LPA: variants seen among roughly 807,000 people sequenced by gnomAD.
LPA encodes apolipoprotein(a).
In LPA, 199 loss-of-function variants were observed where a neutral mutation model predicts 197.9. That is an observed-to-expected ratio of 1.01 (90% CI 0.90 to 1.13). The LOEUF (loss-of-function observed/expected upper bound fraction) is 1.13. LPA is among the 50% of genes most tolerant of loss of function. The pLI is 0.00. For missense variants in LPA, 1,853 were observed against 1,785.8 expected (o/e 1.04, Z -0.68); for synonymous variants, 715 against 639.5 (o/e 1.12, Z -1.78).
At chr6:160,586,268 G>A (rs1218412663) in intron 25 of LPA, among the ~76,000 whole-genome samples, 181 bp downstream of exon 25, 1 of 152,088 alleles carries the variant, frequency 6.6e-6, no homozygotes, top group East Asian at 1.9e-4. Flanking sequence ...CCCTCACAAG[G>A]CACTCAACAT....
At chr6:160,576,369 T>TACCC (rs1485536877) in intron 28 of LPA, among the ~76,000 whole-genome samples, 1 of 11,346 alleles carries the variant, frequency 8.8e-5, no homozygotes, top group Non-Finnish European at 1.4e-4. Flanking sequence ...TATATATACA[T>TACCC]ATATATATAT....
intron 27 of LPA, 78 bp downstream of exon 27, chr6:160,578,445 A>G (rs1270005833): frequency 1.3e-6 from 2 of 1,564,876 alleles, no homozygotes; most frequent in Admixed American, 3.3e-5. Context: ...CCAGTGTACC[A>G]CTGAAGGCTT....
chr6:160,553,821 C>T (rs2115008458), intron 30 of LPA, among the ~76,000 whole-genome samples: 1 of 152,208 alleles, frequency 6.6e-6, no homozygotes, highest in Non-Finnish European at 1.5e-5. Flanking sequence ...CCTTCCCGTC[C>T]TTCTGTGACT....
intron 30 of LPA, among the ~76,000 whole-genome samples, chr6:160,550,129 G>A (rs926752589): frequency 1.8e-4 from 27 of 152,064 alleles, no homozygotes; most frequent in Non-Finnish European, 2.2e-4. Flanking sequence ...GCTGAGGCAG[G>A]AGAATCTCTT....
Position 160,589,549 on chromosome 6 carries a change from A to ATACTTTGAG in LPA, c.3947+3_3947+4insCTCAAAGTA, listed in dbSNP as rs752331675. ...TTCTCTTGGGAGAAAACTCAAAGAC[A>ATACTTTGAG]TACCCATTTGGGTAGTATTCTGTGG... On this transcript the variant is annotated splice_donor_region_variant and intron_variant, in intron 24 of 38. Coordinates refer to ENST00000316300, the MANE Select transcript of LPA (RefSeq NM_005577.4). 1 of 1,613,390 alleles carries ATACTTTGAG rather than the reference A, an allele frequency of 6.2e-7. No homozygotes were observed. The highest frequency in any genetic ancestry group is 1.1e-5 in the South Asian group (1 of 91,060).
intron 30 of LPA, among the ~76,000 whole-genome samples, chr6:160,555,420 G>T (rs547636710): frequency 2.6e-5 from 3 of 113,274 alleles, no homozygotes; most frequent in Admixed American, 8.6e-5. Flanking sequence ...TAAAAACCTT[G>T]CATGTTTCCC....
rs1173881480 is a variant in LPA at position 160,531,845 on chromosome 6, T to C, written c.6007A>G (p.Ile2003Val). 6.2e-7 allele frequency: 1 copy of C among 1,614,074 alleles called. No homozygotes were observed. The change falls in exon 39 of 39, where the codon ATT becomes GTT. Residue 2003 changes from isoleucine (I) to valine (V), a missense_variant. By Grantham distance (29) the Ile-to-Val change is conservative. Transcript: ENST00000316300. ...PLVCFEKDKY[I>V]LQGVTSWGLG... ...CCCCAAGAAGTGACTCCTTGTAAAA[T>C]GTATTTGTCCTTCTCGAAGCAAACC... is the stretch of plus-strand genomic sequence containing the variant.
chr6:160,577,877 A>T (rs1446796602), intron 27 of LPA, among the ~76,000 whole-genome samples: 1 of 152,204 alleles, frequency 6.6e-6, no homozygotes, highest in Non-Finnish European at 1.5e-5. Context: ...ATTGTAACAA[A>T]GCAGAATTCT....
chr6:160,554,267 G>A (rs191105519), intron 30 of LPA, among the ~76,000 whole-genome samples: 476 of 151,868 alleles, frequency 3.1e-3, no homozygotes, highest in South Asian at 0.014. Flanking sequence ...TGGTCTATTT[G>A]TATTGACTGG....
chr6:160,579,390 G>A (rs1457893910), intron 26 of LPA, among the ~76,000 whole-genome samples: 4 of 152,168 alleles, frequency 2.6e-5, no homozygotes, highest in African/African-American at 2.4e-5. Context: ...TCTAGGATGG[G>A]TTCATGGGCA....
intron 16 of LPA, 128 bp downstream of exon 16, chr6:160,611,434 G>C (rs899167241): frequency 8.6e-6 from 13 of 1,508,772 alleles, no homozygotes; most frequent in Non-Finnish European, 1.2e-5. Flanking sequence ...AAATCATCCT[G>C]AGACATTTTG....
intron 28 of LPA, among the ~76,000 whole-genome samples, chr6:160,566,662 G>T (rs1193039218): frequency 6.6e-6 from 1 of 152,154 alleles, no homozygotes; most frequent in African/African-American, 2.4e-5. Flanking sequence ...AAATGTAAAT[G>T]GGCTAAATGC....
chr6:160,570,996 T>A (rs909734197), intron 28 of LPA, among the ~76,000 whole-genome samples: 2 of 152,220 alleles, frequency 1.3e-5, no homozygotes, highest in African/African-American at 4.8e-5. Context: ...CCCATCACTT[T>A]CAGGTACACC....
intron 35 of LPA, among the ~76,000 whole-genome samples, chr6:160,540,478 G>A (rs1777963835): frequency 6.6e-6 from 1 of 152,208 alleles, no homozygotes; most frequent in African/African-American, 2.4e-5. Context: ...GGATCATAGA[G>A]GTGCATCCCT....
At chr6:160,591,154 C>T in intron 22 of LPA, 53 bp from the exon 23 acceptor site, 2 of 1,602,928 alleles carry the variant, frequency 1.2e-6, no homozygotes, top group Non-Finnish European at 1.7e-6. Context: ...GATACAAGGG[C>T]ACCAGACATC....
chr6:160,647,457 A>G (rs1172416458), intron 2 of LPA, among the ~76,000 whole-genome samples: 1 of 152,160 alleles, frequency 6.6e-6, no homozygotes, highest in Non-Finnish European at 1.5e-5. Flanking sequence ...TAGTGGCTCT[A>G]CACATGTGGC....
At chr6:160,657,797 C>G (rs1427536791) in intron 1 of LPA, among the ~76,000 whole-genome samples, 3 of 152,166 alleles carry the variant, frequency 2.0e-5, no homozygotes, top group Non-Finnish European at 4.4e-5. Flanking sequence ...AACTCTATGT[C>G]CCTTCCACCA....
chr6:160,654,104 ATATAT>A (rs1176513630), intron 1 of LPA, among the ~76,000 whole-genome samples: 10 of 48,930 alleles, frequency 2.0e-4, no homozygotes, highest in Admixed American at 6.7e-4. Flanking sequence ...ATATAATATA[ATATAT>A]TATATGTATA....
At chr6:160,606,375 C>T (rs1401443615) in intron 17 of LPA, 102 bp downstream of exon 17, 9 of 1,498,504 alleles carry the variant, frequency 6.0e-6, no homozygotes, top group Middle Eastern at 2.3e-4. Flanking sequence ...AGTCAACACT[C>T]GAGCATCCGT....
Sources: allele counts gnomAD v4.1 joint callset (sites outside exome capture counted in the v4.1 genomes callset), GRCh38; gene constraint gnomAD v4.1.1; transcripts MANE v1.5; gene names NCBI Gene and HGNC (gene_info 2026-07-23, HGNC 2026-07-21).